Variants in NCAN observed in about 807,000 individuals in gnomAD.
NCAN encodes neurocan, also known as neurocan core protein.
NCAN carries 47 observed loss-of-function variants against 121.8 expected under a neutral mutation model. That is an observed-to-expected ratio of 0.39 (90% confidence interval 0.31 to 0.49). The LOEUF (loss-of-function observed/expected upper bound fraction) is 0.49, where lower values mean the gene tolerates loss of function less well. NCAN is among the 20% of genes least tolerant of loss of function. NCAN has a pLI of 0.92. For synonymous variants in NCAN, 633 were observed against 702.0 expected, an observed-to-expected ratio of 0.90 and a Z score of 1.55; for missense variants, 1,517 against 1,773.4, an observed-to-expected ratio of 0.86 and a Z score of 2.60.
At chr19:19,246,445 C>T (rs536502902) in intron 13 of NCAN, among the ~76,000 whole-genome samples, 88 of 152,288 alleles carry the variant, frequency 5.8e-4, no homozygotes, top group African/African-American at 1.9e-3. Context: ...CATTCTTAAA[C>T]TTTTGTTCTT....
intron 12 of NCAN, among the ~76,000 whole-genome samples, chr19:19,244,523 G>T (rs2060917049): frequency 6.6e-6 from 1 of 151,686 alleles, no homozygotes; most frequent in African/African-American, 2.4e-5. Context: ...TGTCCAAGGT[G>T]GTCCCAAACT....
chr19:19,223,187 T>C (rs1873084681), intron 3 of NCAN, among the ~76,000 whole-genome samples: 1 of 152,150 alleles, frequency 6.6e-6, no homozygotes, highest in Admixed American at 6.5e-5. Flanking sequence ...CTCCCATTGC[T>C]GCCTGTGCTT....
intron 5 of NCAN, 140 bp from the exon 6 acceptor site, chr19:19,224,837 C>T: frequency 2.9e-6 from 2 of 693,408 alleles, no homozygotes; most frequent in Non-Finnish European, 2.2e-6. Context: ...CGGAGCTGGA[C>T]GCACAGCTGC....
In NCAN at chr19:19,233,777, T is replaced by A. The variant is rs778545819; in HGVS notation, c.3020-12T>A. On this transcript the variant is annotated splice_polypyrimidine_tract_variant and intron_variant, in intron 8 of 14. Coordinates refer to ENST00000252575, the MANE Select transcript of NCAN (RefSeq NM_004386.3). ...GCCTGACTCTTCCCCACACTACCCA[T>A]CCATCCTGCAGTGCACTCAGATCCC... The A allele has an allele frequency of 6.4e-7, 1 of 1,551,274 alleles. No individual in the cohort carries two copies. Among genetic ancestry groups the A allele is most frequent in the Non-Finnish European group, 8.9e-7 (1 of 1,122,814 alleles).
chr19:19,227,126 A>G lies in NCAN; in HGVS notation c.1660+53A>G. 1 of 1,497,248 alleles carries G rather than the reference A, an allele frequency of 6.7e-7. No individual in the cohort carries two copies. The highest frequency in any genetic ancestry group is 8.9e-7 in the Non-Finnish European group (1 of 1,125,214). 92.7% of individuals were successfully genotyped at this position (1,497,248 alleles called of 1,614,324 possible). ...TACCTGGGGATCTGGAGGTGAGGGT[A>G]GAGAGGTAGCCATGGCTACACTCAG... is the stretch of plus-strand genomic sequence containing the variant. On this transcript the variant is annotated intron_variant, in intron 7 of 14. Transcript: ENST00000252575. The surrounding 1 kb of genome is among the most constrained non-coding windows in gnomAD (Gnocchi z 4.2).
chr19:19,237,105 T>C (rs904067069), intron 10 of NCAN, among the ~76,000 whole-genome samples: 1 of 151,292 alleles, frequency 6.6e-6, no homozygotes, highest in Non-Finnish European at 1.5e-5. Flanking sequence ...TGAAGTTTAG[T>C]AGAGATGGGG....
chr19:19,238,597 A>G (rs1191154202), intron 11 of NCAN, 186 bp downstream of exon 11: 1 of 661,078 alleles, frequency 1.5e-6, no homozygotes, highest in African/African-American at 1.8e-5. Flanking sequence ...TTGTTAATTC[A>G]TACATTCACT....
chr19:19,224,801 A>G (rs933963749), intron 5 of NCAN, among the ~76,000 whole-genome samples, 176 bp from the exon 6 acceptor site: 2 of 152,066 alleles, frequency 1.3e-5, no homozygotes, highest in Non-Finnish European at 2.9e-5. Context: ...TTAGCTCTGC[A>G]TGAGAGGTAA....
At chr19:19,239,351 CCCT>C (rs924498859) in intron 11 of NCAN, among the ~76,000 whole-genome samples, 80 of 150,160 alleles carry the variant, frequency 5.3e-4, no homozygotes, top group African/African-American at 1.9e-3. Context: ...CTGCCCCCTA[CCCT>C]CCTCCTCCTT....
chr19:19,230,891 G>C (rs982178059), intron 8 of NCAN, among the ~76,000 whole-genome samples: 8 of 139,530 alleles, frequency 5.7e-5, no homozygotes, highest in Non-Finnish European at 9.4e-5. Flanking sequence ...GGCTGTGTGT[G>C]TGTGTGTGTG....
chr19:19,227,477 G>A lies in NCAN; in HGVS notation c.1857G>A (p.Trp619Ter), dbSNP rs868079643. 6.2e-7 allele frequency: 1 copy of A among 1,613,468 alleles called. No homozygotes were observed. The highest frequency in any genetic ancestry group is 8.5e-7 in the Non-Finnish European group (1 of 1,179,800). ...ATVSAPSPAPWEAFPVATSPD... is the reference protein window; with the variant it reads ...ATVSAPSPAP ...TCTCAGCTCCCAGCCCTGCCCCCTGGGAGGCATTCCCTGTGGCCACCTCCC... is the reference window on the plus strand; with the variant it reads ...TCTCAGCTCCCAGCCCTGCCCCCTGAGAGGCATTCCCTGTGGCCACCTCCC... The change falls in exon 8 of 15, where the codon TGG becomes TGA. Residue 619 changes from tryptophan to a stop codon, truncating the protein, a stop_gained. Transcript: ENST00000252575. LOFTEE classifies it high-confidence loss of function. This position sits in a 1 kb window ranked among gnomAD's most constrained non-coding sequence, Gnocchi z 4.2.
At chr19:19,240,128 C>G (rs2060898135) in intron 11 of NCAN, among the ~76,000 whole-genome samples, 1 of 145,722 alleles carries the variant, frequency 6.9e-6, no homozygotes, top group Non-Finnish European at 1.5e-5. Context: ...ATCCTTCTTC[C>G]CACTCCTGCC....
At chr19:19,222,492 T>A (rs1461223141) in intron 3 of NCAN, among the ~76,000 whole-genome samples, 1 of 152,154 alleles carries the variant, frequency 6.6e-6, no homozygotes, top group East Asian at 1.9e-4. Context: ...TTGGCCAGGC[T>A]GGTTTCCAAC....
chr19:19,233,305 A>G (rs1008534568), intron 8 of NCAN, among the ~76,000 whole-genome samples: 1 of 149,546 alleles, frequency 6.7e-6, no homozygotes, highest in Non-Finnish European at 1.5e-5. Context: ...TGCTGCCCTG[A>G]CAGGATCTGG....
intron 1 of NCAN, among the ~76,000 whole-genome samples, chr19:19,213,925 C>A (rs142646065): frequency 6.6e-6 from 1 of 152,160 alleles, no homozygotes; most frequent in Non-Finnish European, 1.5e-5. Context: ...CACACATGTG[C>A]GCACAGCCCC....
At position 19,226,553 on chromosome 19, in the gene NCAN, G is replaced by C. The variant is rs1397296977; in HGVS notation, c.1140G>C (p.Leu380=). 2.5e-6 allele frequency: 4 copies of C among 1,613,282 alleles called. No individual in the cohort carries two copies. Among genetic ancestry groups the C allele is most frequent in the Non-Finnish European group, 8.5e-7 (1 of 1,179,534 alleles). Residue 380 remains leucine, a synonymous_variant, in exon 7 of 15, where the codon CTG becomes CTC. Coordinates refer to ENST00000252575, the MANE Select transcript of NCAN (RefSeq NM_004386.3). The stretch of plus-strand genomic sequence containing the variant: ...CCTCTGGGGATGAGGGGGAGATTCT[G>C]TCAGCAGAGGGGCCCCCAGTTAGAG... ...TPSSGDEGEI[L]SAEGPPVREL...
chr19:19,228,231 A>T lies in NCAN; in HGVS notation c.2611A>T (p.Thr871Ser), dbSNP rs1464592898. ...PQVALDTSIV[T>S]PLTTLEQGDK... is the part of the protein sequence containing the mutation. ...GGTGGCCCTGGATACAAGCATTGTG[A>T]CGCCCCTCACGACCCTGGAGCAGGG... Residue 871 changes from threonine to serine, a missense_variant, in exon 8 of 15, where the codon ACG becomes TCG. Thr to Ser is a moderately conservative substitution (Grantham distance 58). Transcript: ENST00000252575. 3 of 1,613,864 alleles carry T rather than the reference A, an allele frequency of 1.9e-6. No homozygotes were observed. The highest frequency in any genetic ancestry group is 2.5e-6 in the Non-Finnish European group (3 of 1,180,008).
At chr19:19,213,220 G>T (rs1000641519) in intron 1 of NCAN, among the ~76,000 whole-genome samples, 11 of 152,142 alleles carry the variant, frequency 7.2e-5, no homozygotes, top group Admixed American at 5.9e-4. Flanking sequence ...CTGAAATCAA[G>T]TTCCCCCTCA....
chr19:19,234,235 A>C (rs2060872832), intron 9 of NCAN, among the ~76,000 whole-genome samples: 1 of 152,122 alleles, frequency 6.6e-6, no homozygotes, highest in Non-Finnish European at 1.5e-5. Flanking sequence ...GGGAGGTATA[A>C]GCACTGCCAC....
Sources: gnomAD v4.1 joint callset for allele counts (sites outside exome capture counted in the v4.1 genomes callset) on GRCh38, gnomAD v4.1.1 for gene constraint, Gnocchi (gnomAD v3.1) non-coding constraint, MANE v1.5 for transcripts, NCBI Gene and HGNC (gene_info 2026-07-23, HGNC 2026-07-21) for gene names.